Variants in DGKG observed in about 807,000 individuals in gnomAD.
The protein encoded by DGKG is diacylglycerol kinase gamma.
Under a neutral mutation model 105.3 loss-of-function variants are expected in DGKG, and 78 were observed. The ratio of observed to expected loss-of-function variants is 0.74; its 90% CI spans 0.62 to 0.89. The LOEUF is 0.89. Among genes scored for constraint, DGKG ranks in the 40% least tolerant of loss-of-function variants. DGKG has a pLI of 0.00. For missense variants in DGKG, 958 were observed against 1,020.1 expected (o/e 0.94, Z 0.83); for synonymous variants, 346 against 367.1 (o/e 0.94, Z 0.66).
intron 21 of DGKG, among the ~76,000 whole-genome samples, chr3:186,191,869 T>C (rs1232949061): frequency 1.3e-5 from 2 of 152,208 alleles, no homozygotes; most frequent in East Asian, 3.8e-4. Context: ...AACTGACTCC[T>C]TTTTCTTTTC....
Position 186,231,005 on chromosome 3 carries a change from G to A in DGKG, c.1826+11499C>T, listed in dbSNP as rs1720123887. Among the ~76,000 whole-genome samples the A allele has an allele frequency of 1.3e-5, 2 of 152,148 alleles. No individual in the cohort carries two copies. Among genetic ancestry groups the A allele is most frequent in the Non-Finnish European group, 2.9e-5 (2 of 68,028 alleles). On this transcript the variant is annotated intron_variant, in intron 20 of 24. Coordinates refer to ENST00000265022, the MANE Select transcript of DGKG (RefSeq NM_001346.3). The surrounding 1 kb of genome is among the most constrained non-coding windows in gnomAD (Gnocchi z 4.5). Reference sequence around the variant, plus strand: ...CATTTCAGTCTTTAATATGTCTCCAGGCCAGAAGATTCCTGCTCCCATCCA... The same window carrying A: ...CATTTCAGTCTTTAATATGTCTCCAAGCCAGAAGATTCCTGCTCCCATCCA...
chr3:186,266,191 T>A (rs1360198934), intron 13 of DGKG, among the ~76,000 whole-genome samples: 1 of 152,194 alleles, frequency 6.6e-6, no homozygotes, highest in Non-Finnish European at 1.5e-5. Context: ...ACCACATGGG[T>A]TTTGCCTGGC....
At chr3:186,253,275 C>T in intron 17 of DGKG, 93 bp from the exon 18 acceptor site, 2 of 970,548 alleles carry the variant, frequency 2.1e-6, no homozygotes, top group East Asian at 4.9e-5. Flanking sequence ...GCTTGAACCC[C>T]TCCATAGCAT....
chr3:186,280,423 G>A (rs1301665768), intron 8 of DGKG, among the ~76,000 whole-genome samples: 1 of 152,176 alleles, frequency 6.6e-6, no homozygotes, highest in Non-Finnish European at 1.5e-5. Context: ...ATGAATTTCT[G>A]CTATAACATT....
At chr3:186,278,348 A>G (rs1181084018) in intron 9 of DGKG, among the ~76,000 whole-genome samples, 1 of 152,184 alleles carries the variant, frequency 6.6e-6, no homozygotes, top group Non-Finnish European at 1.5e-5. Flanking sequence ...AGCATATCTA[A>G]CTTATCTGAG....
chr3:186,233,017 C>A (rs1443548710), intron 20 of DGKG, among the ~76,000 whole-genome samples: 3 of 152,122 alleles, frequency 2.0e-5, no homozygotes, highest in Non-Finnish European at 4.4e-5. Context: ...TCGAAATAAG[C>A]CTATGAGGCT....
chr3:186,272,844 G>A (rs1445276337), intron 10 of DGKG, among the ~76,000 whole-genome samples: 4 of 151,960 alleles, frequency 2.6e-5, no homozygotes, highest in Non-Finnish European at 5.9e-5. Flanking sequence ...TCAGCCTCCC[G>A]AGTTGCTGGG....
At chr3:186,283,158 C>T (rs916947373) in intron 7 of DGKG, among the ~76,000 whole-genome samples, 3 of 152,104 alleles carry the variant, frequency 2.0e-5, no homozygotes, top group Non-Finnish European at 4.4e-5. Flanking sequence ...CTGCCCGCCT[C>T]CCAAAGTGCT....
rs550430924 is a variant in DGKG, at chr3:186,268,030, C to T, written c.1117-253G>A. ...CTACTGAAGCGACACAGTCATGAGC[C>T]GGCCTGTGACCCTTCAGTGTGGCAC... On this transcript the variant is annotated intron_variant, in intron 12 of 24. Transcript: ENST00000265022. 3.3e-5 allele frequency among the ~76,000 whole-genome samples: 5 copies of T among 152,188 alleles called. 1 individual carries two copies. The South Asian group carries it at 8.3e-4, about 25-fold the overall frequency.
chr3:186,219,250 G>A (rs1719450379), intron 20 of DGKG, among the ~76,000 whole-genome samples: 1 of 152,002 alleles, frequency 6.6e-6, no homozygotes, highest in African/African-American at 2.4e-5. Flanking sequence ...TTACCTCACA[G>A]GTGCTGCAGA....
chr3:186,316,042 A>G (rs1021690696), intron 2 of DGKG, among the ~76,000 whole-genome samples: 1 of 152,264 alleles, frequency 6.6e-6, no homozygotes, highest in African/African-American at 2.4e-5. Context: ...GGAAGACAAG[A>G]AAGTGCTGGA....
intron 16 of DGKG, 130 bp from the exon 17 acceptor site, chr3:186,258,069 G>T (rs1721570928): frequency 4.2e-6 from 3 of 710,288 alleles, no homozygotes; most frequent in African/African-American, 1.8e-5. Context: ...TGGTTGAAAG[G>T]GTCACTCAAT....
intron 1 of DGKG, among the ~76,000 whole-genome samples, chr3:186,353,026 C>T (rs1234613540): frequency 1.3e-5 from 2 of 152,202 alleles, no homozygotes; most frequent in African/African-American, 4.8e-5. Context: ...TTTGCTCCAG[C>T]AACACTGAAG....
chr3:186,354,551 G>C (rs1283126616), intron 1 of DGKG, among the ~76,000 whole-genome samples: 2 of 152,184 alleles, frequency 1.3e-5, no homozygotes, highest in Non-Finnish European at 1.5e-5. Context: ...TCTGGCCATT[G>C]AGTTTTTCTC....
intron 21 of DGKG, among the ~76,000 whole-genome samples, chr3:186,201,205 C>T (rs908063786): frequency 2.6e-5 from 4 of 151,342 alleles, no homozygotes; most frequent in Non-Finnish European, 4.4e-5. Context: ...GCTCTGGATG[C>T]AGATTAATAG....
At chr3:186,292,171 G>A (rs1044771166) in intron 5 of DGKG, among the ~76,000 whole-genome samples, 4 of 152,082 alleles carry the variant, frequency 2.6e-5, no homozygotes, top group Admixed American at 6.5e-5. Flanking sequence ...TTCATGTGAC[G>A]GCTCTTGGGC....
Position 186,149,251 on chromosome 3 carries a change from C to T in DGKG, c.*839G>A, listed in dbSNP as rs1439161893. 1 of 984,708 alleles carries T rather than the reference C, an allele frequency of 1.0e-6. No individual in the cohort carries two copies. Among genetic ancestry groups the T allele is most frequent in the African/African-American group, 1.7e-5 (1 of 57,154 alleles). The allele number at this position is 984,708 out of a possible 1,614,324, so 61.0% of individuals were successfully genotyped here. A position where few individuals can be genotyped will look rare whatever the true frequency, so the allele number is the denominator to read the frequency against. ...GCTGGGGGTGGTTTTTTTTTTCCTT[C>T]CCTTTTTACACAATATTATGACACC... is the stretch of plus-strand genomic sequence containing the variant. On this transcript the variant is annotated 3_prime_UTR_variant, in exon 25 of 25. Transcript: ENST00000265022.
At chr3:186,202,013 G>A (rs1281773600) in intron 21 of DGKG, among the ~76,000 whole-genome samples, 1 of 152,210 alleles carries the variant, frequency 6.6e-6, no homozygotes, top group Non-Finnish European at 1.5e-5. Flanking sequence ...AAGGGCATAT[G>A]GGCTGGGGAT....
intron 3 of DGKG, among the ~76,000 whole-genome samples, chr3:186,301,771 G>A (rs1723932989): frequency 6.6e-6 from 1 of 152,180 alleles, no homozygotes; most frequent in African/African-American, 2.4e-5. Flanking sequence ...GTAAATAGAA[G>A]GCCTAATATG....
Sources: allele counts gnomAD v4.1 joint callset (sites outside exome capture counted in the v4.1 genomes callset), GRCh38; gene constraint gnomAD v4.1.1; non-coding constraint Gnocchi (gnomAD v3.1); transcripts MANE v1.5; gene names NCBI Gene and HGNC (gene_info 2026-07-23, HGNC 2026-07-21).